The following AMOTL2 variants were observed in gnomAD, a reference collection of about 807,000 sequenced individuals.
AMOTL2 encodes angiomotin like 2, also known as angiomotin-like protein 2.
Under a neutral mutation model 78.4 loss-of-function variants are expected in AMOTL2, and 33 were observed. That is an observed-to-expected ratio of 0.42 (90% CI 0.32 to 0.56). The LOEUF is 0.56. AMOTL2 is among the 20% of genes least tolerant of loss of function. The pLI is 0.12. For synonymous variants in AMOTL2, 422 were observed against 428.8 expected (o/e 0.98, Z 0.20); for missense variants, 983 against 1,030.1 (o/e 0.95, Z 0.63).
At position 134,371,077 on chromosome 3, in the gene AMOTL2, G is replaced by A. The variant is rs745355370; in HGVS notation, c.357C>T (p.Ala119=). ...EAKAHSQYYA[A]QQAGTRPHAG... ...CATGTGGCCGGGTCCCTGCCTGCTG[G>A]GCCGCATAGTACTGCGAGTGGGCTT... The change falls in exon 2 of 10, where the codon GCC becomes GCT. Residue 119 remains alanine, a synonymous_variant. Transcript: ENST00000249883. The A allele has an allele frequency of 1.2e-6, 2 of 1,611,504 alleles. No individual in the cohort carries two copies. Among genetic ancestry groups the A allele is most frequent in the Non-Finnish European group, 1.7e-6 (2 of 1,178,986 alleles).
Position 134,371,299 on chromosome 3 carries a change from A to C in AMOTL2, c.135T>G (p.Thr45=). ...AGGCCTGGGGGCTCCCTGTACCCCCAGTTCCAGCCCCACCCCTCAGGGCCT... is the reference window on the plus strand; with the variant it reads ...AGGCCTGGGGGCTCCCTGTACCCCCCGTTCCAGCCCCACCCCTCAGGGCCT... The part of the protein sequence containing the change: ...QQQALRGGAG[T]GGTGSPQASL... The change falls in exon 2 of 10, where the codon ACT becomes ACG. Residue 45 remains threonine, a synonymous_variant. Transcript: ENST00000249883. The C allele has an allele frequency of 6.2e-7, 1 of 1,612,336 alleles. No homozygotes were observed. The highest frequency in any genetic ancestry group is 8.5e-7 in the Non-Finnish European group (1 of 1,179,990).
chr3:134,374,109 A>T, intron 1 of AMOTL2: 2 of 518,858 alleles, frequency 3.9e-6, no homozygotes, highest in Non-Finnish European at 4.9e-6. Flanking sequence ...CAGCCCCAAG[A>T]GACCCGCGCG....
At chr3:134,362,937 A>G (rs141427538) in intron 5 of AMOTL2, among the ~76,000 whole-genome samples, 47 of 152,318 alleles carry the variant, frequency 3.1e-4, no homozygotes, top group Non-Finnish European at 5.9e-4. Flanking sequence ...GATTCAGTGG[A>G]ATTTTCTGCC....
intron 7 of AMOTL2, 130 bp from the exon 8 acceptor site, chr3:134,359,633 G>C: frequency 1.3e-6 from 1 of 740,854 alleles, no homozygotes; most frequent in Admixed American, 2.7e-5. Context: ...GGATCCTTCT[G>C]TGCTTGTAGC....
At chr3:134,366,708 C>T in intron 3 of AMOTL2, 1 of 340,322 alleles carries the variant, frequency 2.9e-6, no homozygotes, top group South Asian at 5.1e-5. Context: ...TGCGGGGTGA[C>T]TAAACACAGC....
chr3:134,373,424 T>G lies in AMOTL2; in HGVS notation c.-62+918A>C. 6 of 977,698 alleles carry G rather than the reference T, an allele frequency of 6.1e-6. No homozygotes were observed. The South Asian group carries it at 2.4e-4, about 39-fold the overall frequency. 60.6% of individuals were successfully genotyped at this position (977,698 alleles called of 1,614,324 possible). On this transcript the variant is annotated intron_variant, in intron 1 of 9. Transcript: ENST00000249883. ...TCTCCAAGGCCTCTCATCGCGAATT[T>G]GTCCCGGCCAAGCCCCTCAGATTCA... is the stretch of plus-strand genomic sequence containing the variant.
chr3:134,367,058 G>C (rs921801145), intron 3 of AMOTL2, among the ~76,000 whole-genome samples: 1 of 152,176 alleles, frequency 6.6e-6, no homozygotes, highest in Non-Finnish European at 1.5e-5. Flanking sequence ...CTCTTAGCTG[G>C]CCTGTGATTC....
In AMOTL2 at chr3:134,357,510, G is replaced by A. The variant is rs2017127421; in HGVS notation, c.*195C>T. ...GGCTAAGAAGCAGAGTCTTCTGGGGGTGCCGGTGCTCTCACAGCTCTCCTC... is the reference window on the plus strand; with the variant it reads ...GGCTAAGAAGCAGAGTCTTCTGGGGATGCCGGTGCTCTCACAGCTCTCCTC... On this transcript the variant is annotated 3_prime_UTR_variant, in exon 10 of 10. Transcript: ENST00000249883. 2 of 615,688 alleles carry A rather than the reference G, an allele frequency of 3.2e-6. No individual in the cohort carries two copies. 38.1% of individuals were successfully genotyped at this position (615,688 alleles called of 1,614,324 possible). A position where few individuals can be genotyped will look rare whatever the true frequency, so the allele number is the denominator to read the frequency against.
At position 134,360,121 on chromosome 3, in the gene AMOTL2, T is replaced by C; in HGVS notation, c.1868A>G (p.Gln623Arg). The C allele has an allele frequency of 6.2e-7, 1 of 1,608,550 alleles. No individual in the cohort carries two copies. Among genetic ancestry groups the C allele is most frequent in the Non-Finnish European group, 8.5e-7 (1 of 1,175,392 alleles). Reference sequence around the variant, plus strand: ...AATGCCGAACCTGCTTTCCATCTCCTGATGCCTGTGGCCACCAGTGAGCAG... The same window carrying C: ...AATGCCGAACCTGCTTTCCATCTCCCGATGCCTGTGGCCACCAGTGAGCAG... ...EGLLTGGHRH[Q>R]EMESRLKVLH... The change falls in exon 7 of 10, where the codon CAG (glutamine) becomes CGG (arginine). Residue 623 changes from glutamine to arginine, a missense_variant. Gln to Arg is a conservative substitution (Grantham distance 43). Transcript: ENST00000249883.
Position 134,370,969 on chromosome 3 carries a change from C to A in AMOTL2, c.465G>T (p.Val155=). The change falls in exon 2 of 10, where the codon GTG becomes GTT. Residue 155 remains valine, a synonymous_variant. Transcript: ENST00000249883. ...GAAGGAGCCGTTCACTCAACGAGCG[C>A]ACGTGCCCATGCCTCAGCTCCCGCA... is the stretch of plus-strand genomic sequence containing the variant. ...EALRELRHGH[V]RSLSERLLQL... 6.2e-7 allele frequency: 1 copy of A among 1,608,256 alleles called. No individual in the cohort carries two copies. The highest frequency in any genetic ancestry group is 2.2e-5 in the East Asian group (1 of 44,624).
Position 134,361,703 on chromosome 3 carries a change from G to A in AMOTL2, c.1384C>T (p.Leu462=). Residue 462 remains leucine, a synonymous_variant, in exon 6 of 10, where the codon CTG becomes TTG. Coordinates refer to ENST00000249883, the MANE Select transcript of AMOTL2 (RefSeq NM_016201.4). The part of the protein sequence containing the change: ...RRRAELLEQA[L]GNAQGRAARA... Reference sequence around the variant, plus strand: ...GCTGCCCGGCCCTGCGCATTGCCCAGAGCCTGCTCCAGCAGCTCGGCACGC... The same window carrying A: ...GCTGCCCGGCCCTGCGCATTGCCCAAAGCCTGCTCCAGCAGCTCGGCACGC... 1 of 1,610,580 alleles carries A rather than the reference G, an allele frequency of 6.2e-7. No individual in the cohort carries two copies.
At chr3:134,367,861 GAGC>G (rs1474757393) in intron 2 of AMOTL2, 58 bp from the exon 3 acceptor site, 1 of 1,566,330 alleles carries the variant, frequency 6.4e-7, no homozygotes, top group Non-Finnish European at 8.7e-7. Flanking sequence ...GCTCCCACCA[GAGC>G]AGCCCGGGGT....
At chr3:134,362,880 G>A (rs1449401850) in intron 5 of AMOTL2, among the ~76,000 whole-genome samples, 1 of 152,052 alleles carries the variant, frequency 6.6e-6, no homozygotes, top group Non-Finnish European at 1.5e-5. Flanking sequence ...CAGGGCTATG[G>A]GCTCCCGCTA....
At chr3:134,361,893 G>A (rs950024564) in intron 5 of AMOTL2, 86 bp from the exon 6 acceptor site, 14 of 1,138,788 alleles carry the variant, frequency 1.2e-5, no homozygotes, top group African/African-American at 3.1e-5. Context: ...ACCACTGGAT[G>A]AGCACAGTTG....
intron 6 of AMOTL2, 90 bp from the exon 7 acceptor site, chr3:134,360,503 A>G: frequency 2.7e-6 from 3 of 1,124,130 alleles, no homozygotes; most frequent in Non-Finnish European, 3.8e-6. Flanking sequence ...TGTCACTTGT[A>G]CATGTACGTG....
upstream of AMOTL2, chr3:134,374,904 TGTGTGTGTGTGTGTGTGTGTGTGC>T: frequency 1.9e-6 from 2 of 1,041,370 alleles, no homozygotes; most frequent in Non-Finnish European, 2.5e-6. Flanking sequence ...ACTCCGGCTG[TGTGTGTGTGTGTGTGTGTGTGTGC>T]GTGTGTGTGT....
intron 2 of AMOTL2, among the ~76,000 whole-genome samples, chr3:134,369,961 A>G (rs1479953262): frequency 2.0e-5 from 3 of 152,190 alleles, no homozygotes; most frequent in Admixed American, 1.3e-4. Context: ...CTTACAAACC[A>G]TGCTCTGCAT....
Position 134,367,550 on chromosome 3 carries a change from G to A in AMOTL2, c.988C>T (p.Arg330Trp), listed in dbSNP as rs199708212. ...GAGCTCTCCAGCTCCCTCTGCAGCC[G>A]CTCATTGTCTCTCTGCAGCCTGGCA... Reference protein sequence around the residue: ...ENARLQRDNERLQRELESSAE... With the variant: ...ENARLQRDNEWLQRELESSAE... The change falls in exon 3 of 10, where the codon CGG (arginine) becomes TGG (tryptophan). Residue 330 changes from arginine (R) to tryptophan (W), a missense_variant. Transcript: ENST00000249883. 3.3e-4 allele frequency: 536 copies of A among 1,613,098 alleles called. 1 individual carries two copies. The highest frequency in any genetic ancestry group is 5.5e-4 in the Admixed American group (33 of 59,998).
intron 5 of AMOTL2, among the ~76,000 whole-genome samples, chr3:134,362,968 G>A (rs1458552169): frequency 1.3e-5 from 2 of 152,184 alleles, no homozygotes; most frequent in Non-Finnish European, 2.9e-5. Context: ...TGTTCTATAC[G>A]GCACCCTCCA....
Sources: gnomAD v4.1 joint callset for allele counts (sites outside exome capture counted in the v4.1 genomes callset) on GRCh38, gnomAD v4.1.1 for gene constraint, MANE v1.5 for transcripts, NCBI Gene and HGNC (gene_info 2026-07-23, HGNC 2026-07-21) for gene names.